UST: variants seen among roughly 807,000 people sequenced by gnomAD.
UST encodes chondroitin sulfate 2-O-sulfotransferase.
UST carries 21 observed loss-of-function variants against 45.6 expected under a neutral mutation model. That is an observed-to-expected ratio of 0.46 (90% CI 0.33 to 0.66). The LOEUF (loss-of-function observed/expected upper bound fraction) is 0.66, where lower values mean the gene tolerates loss of function less well. UST is among the 30% of genes least tolerant of loss of function. The probability of loss-of-function intolerance (pLI) is 0.02; values close to 1 mark genes in which losing one functional copy is unlikely to be tolerated. For synonymous variants in UST, 215 were observed against 200.6 expected, an observed-to-expected ratio of 1.07 and a Z score of -0.61; for missense variants, 463 against 512.4, an observed-to-expected ratio of 0.90 and a Z score of 0.93.
chr6:148,854,665 A>G (rs1196449003), intron 1 of UST, among the ~76,000 whole-genome samples: 1 of 152,112 alleles, frequency 6.6e-6, no homozygotes, highest in Admixed American at 6.6e-5. Context: ...TGGGGGAAGG[A>G]GCAAGGATAG....
intron 5 of UST, among the ~76,000 whole-genome samples, chr6:149,010,712 G>A (rs1775791545): frequency 6.6e-6 from 1 of 151,746 alleles, no homozygotes; most frequent in Admixed American, 6.6e-5. Flanking sequence ...GACCAACATG[G>A]TGAAAACCTA....
chr6:148,917,523 G>T (rs919112982), intron 2 of UST, among the ~76,000 whole-genome samples: 1 of 152,198 alleles, frequency 6.6e-6, no homozygotes, highest in African/African-American at 2.4e-5. Context: ...AAAAATGTAG[G>T]TTCCCAGGCT....
At chr6:149,017,183 G>C (rs553112932) in intron 5 of UST, among the ~76,000 whole-genome samples, 1 of 152,236 alleles carries the variant, frequency 6.6e-6, no homozygotes, top group Admixed American at 6.5e-5. Flanking sequence ...GGAGACTATC[G>C]TGGCTAACAC....
At chr6:148,764,992 C>T (rs186226230) in intron 1 of UST, among the ~76,000 whole-genome samples, 119 of 152,268 alleles carry the variant, frequency 7.8e-4, no homozygotes, top group African/African-American at 2.8e-3. Context: ...AGAGGCCCCG[C>T]CCTAGGAATG....
intron 1 of UST, among the ~76,000 whole-genome samples, chr6:148,844,778 C>T (rs913319240): frequency 6.6e-5 from 10 of 152,148 alleles, no homozygotes; most frequent in African/African-American, 2.4e-4. Flanking sequence ...AACCCACGCT[C>T]CTGTCATTTC....
chr6:149,003,078 A>T (rs2115005338), intron 5 of UST, among the ~76,000 whole-genome samples: 1 of 152,312 alleles, frequency 6.6e-6, no homozygotes, highest in African/African-American at 2.4e-5. Context: ...GTTGAAACAC[A>T]ATGAGTGAAT....
intron 1 of UST, among the ~76,000 whole-genome samples, chr6:148,817,854 C>T (rs1777384933): frequency 1.3e-5 from 2 of 152,122 alleles, no homozygotes; most frequent in East Asian, 1.9e-4. Flanking sequence ...TTTAAGAGTG[C>T]CCTGGTTGAA....
At chr6:148,811,438 G>A (rs927918908) in intron 1 of UST, among the ~76,000 whole-genome samples, 2 of 152,212 alleles carry the variant, frequency 1.3e-5, no homozygotes, top group African/African-American at 4.8e-5. Context: ...GCTTCTCAAT[G>A]TCTTATAGCA....
chr6:148,895,163 GT>G (rs941388672), intron 2 of UST, among the ~76,000 whole-genome samples: 2 of 151,718 alleles, frequency 1.3e-5, no homozygotes, highest in Non-Finnish European at 2.9e-5. Context: ...TACCACTCAG[GT>G]TTTCCCCCCA....
At chr6:148,982,045 C>G (rs567674115) in intron 5 of UST, among the ~76,000 whole-genome samples, 106 of 151,778 alleles carry the variant, frequency 7.0e-4, no homozygotes, top group African/African-American at 2.5e-3. Context: ...CATGCTATGT[C>G]TTCACACTGA....
intron 5 of UST, among the ~76,000 whole-genome samples, chr6:148,983,285 A>C (rs145289388): frequency 0.013 from 1,928 of 152,268 alleles, 25 homozygotes; most frequent in African/African-American, 0.034. Context: ...CTTGGAATGG[A>C]GTCTTACTGG....
chr6:149,021,370 G>A lies in UST; in HGVS notation c.826G>A (p.Glu276Lys). Residue 276 changes from glutamate (E) to lysine (K), a missense_variant, in exon 7 of 8, where the codon GAA (glutamate) becomes AAA (lysine). Glu to Lys is a moderately conservative substitution (Grantham distance 56, BLOSUM62 1). Around this residue, in one of 2 missense-constraint regions of UST, gnomAD observed 287 missense variants for 374.2 expected, o/e 0.77. Transcript: ENST00000367463. ...ALERAKLNVNENFLLVGILEE... is the reference protein window; with the variant it reads ...ALERAKLNVNKNFLLVGILEE... ...TGAGAGAGCAAAGCTGAACGTGAAT[G>A]AAAACTTCCTGCTCGTGGGGATTCT... 1 of 1,614,166 alleles carries A rather than the reference G, an allele frequency of 6.2e-7. No individual in the cohort carries two copies. The highest frequency in any genetic ancestry group is 8.5e-7 in the Non-Finnish European group (1 of 1,180,006).
intron 2 of UST, among the ~76,000 whole-genome samples, chr6:148,913,423 C>CTTTTATTTTTTTTTTTT (rs1779515122): frequency 1.3e-5 from 1 of 79,880 alleles, no homozygotes; most frequent in Non-Finnish European, 2.3e-5. Context: ...GACCAAAAAT[C>CTTTTATTTTTTTTTTTT]TTTTTTTTTT....
intron 5 of UST, among the ~76,000 whole-genome samples, chr6:149,011,755 C>T (rs773080067): frequency 3.3e-5 from 5 of 152,020 alleles, no homozygotes; most frequent in African/African-American, 9.7e-5. Flanking sequence ...GAGGTTACAG[C>T]GAGCCGAGAT....
chr6:148,936,908 T>C (rs1401057919), intron 2 of UST, among the ~76,000 whole-genome samples: 1 of 152,128 alleles, frequency 6.6e-6, no homozygotes, highest in Non-Finnish European at 1.5e-5. Context: ...TTGGCCAGGC[T>C]GGTCTCGAAC....
At chr6:148,779,470 C>CG (rs1776596854) in intron 1 of UST, among the ~76,000 whole-genome samples, 1 of 152,198 alleles carries the variant, frequency 6.6e-6, no homozygotes, top group Admixed American at 6.5e-5. Context: ...TGCATTGACA[C>CG]CCATGAACTT....
intron 5 of UST, among the ~76,000 whole-genome samples, chr6:148,969,312 T>G (rs1780866517): frequency 6.6e-6 from 1 of 152,236 alleles, no homozygotes; most frequent in Non-Finnish European, 1.5e-5. Flanking sequence ...AGTAAATATC[T>G]ATGTTTTCCA....
Position 149,074,208 on chromosome 6 carries a change from T to G in UST, c.*92T>G. On this transcript the variant is annotated 3_prime_UTR_variant, in exon 8 of 8. Transcript: ENST00000367463. The stretch of plus-strand genomic sequence containing the variant: ...ATCCTTAAGGGACTAAATTAATGCT[T>G]GGGTGCATTAAAAAGAACAAAACAT... 7.3e-7 allele frequency: 1 copy of G among 1,375,062 alleles called. No homozygotes were observed. 85.2% of individuals were successfully genotyped at this position (1,375,062 alleles called of 1,614,324 possible).
At chr6:148,873,123 T>C (rs1484927115) in intron 1 of UST, among the ~76,000 whole-genome samples, 1 of 152,242 alleles carries the variant, frequency 6.6e-6, no homozygotes, top group Non-Finnish European at 1.5e-5. Context: ...AATGTGATGC[T>C]GAAATTTCTT....
Sources: allele counts gnomAD v4.1 joint callset (sites outside exome capture counted in the v4.1 genomes callset), GRCh38; gene constraint gnomAD v4.1.1; regional missense constraint gnomAD v4.1.1; transcripts MANE v1.5; gene names NCBI Gene and HGNC (gene_info 2026-07-23, HGNC 2026-07-21).